The following PLSCR2 variants were observed in gnomAD, a reference collection of about 807,000 sequenced individuals.
The protein encoded by PLSCR2 is PL scramblase 2.
In PLSCR2, 18 loss-of-function variants were observed where a neutral mutation model predicts 25.3. The observed-to-expected ratio is 0.71, with a 90% confidence interval of 0.49 to 1.06. PLSCR2 has a LOEUF of 1.06. PLSCR2 is among the 50% of genes least tolerant of loss of function. The pLI is 0.00. For missense variants in PLSCR2, 243 were observed against 269.5 expected (o/e 0.90, Z 0.69); for synonymous variants, 88 against 87.3 (o/e 1.01, Z -0.04).
At chr3:146,426,540 T>G (rs953113722) in intron 2 of PLSCR2, among the ~76,000 whole-genome samples, 3 of 152,146 alleles carry the variant, frequency 2.0e-5, no homozygotes, top group Non-Finnish European at 1.5e-5. Flanking sequence ...GGCTAGTACA[T>G]GAAATTTGTC....
chr3:146,492,301 G>A (rs2043579950), intron 1 of PLSCR2, among the ~76,000 whole-genome samples: 1 of 152,060 alleles, frequency 6.6e-6, no homozygotes, highest in African/African-American at 2.4e-5. Context: ...TGACCAAACA[G>A]ATGTAACAGA....
intron 1 of PLSCR2, among the ~76,000 whole-genome samples, chr3:146,467,553 T>A (rs4681326): frequency 0.54 from 82,198 of 151,556 alleles, 22,590 homozygotes; most frequent in South Asian, 0.67. Context: ...AATGGAGGAG[T>A]CAGGCAGTTA....
At chr3:146,485,161 C>A (rs1359814075) in intron 1 of PLSCR2, among the ~76,000 whole-genome samples, 1 of 148,830 alleles carries the variant, frequency 6.7e-6, no homozygotes, top group Non-Finnish European at 1.5e-5. Context: ...TTGTCTCTGA[C>A]AAAACAGACT....
downstream of PLSCR2, among the ~76,000 whole-genome samples, chr3:146,428,995 T>G (rs1221176897): frequency 6.6e-6 from 1 of 152,268 alleles, no homozygotes; most frequent in Non-Finnish European, 1.5e-5. Context: ...AACCTTCTCA[T>G]GTCCCTGGAC....
intron 1 of PLSCR2, among the ~76,000 whole-genome samples, chr3:146,469,936 A>C (rs1474342105): frequency 6.6e-6 from 1 of 152,056 alleles, no homozygotes; most frequent in Non-Finnish European, 1.5e-5. Flanking sequence ...ACCAGCTGGA[A>C]CTGGAAAATC....
intron 2 of PLSCR2, among the ~76,000 whole-genome samples, chr3:146,416,851 T>C (rs2039018178): frequency 6.6e-6 from 1 of 152,214 alleles, no homozygotes; most frequent in Admixed American, 6.5e-5. Flanking sequence ...TACTAGTTAA[T>C]ACAGTCATGA....
At chr3:146,492,262 GA>G (rs1560064547) in intron 1 of PLSCR2, among the ~76,000 whole-genome samples, 1 of 152,130 alleles carries the variant, frequency 6.6e-6, no homozygotes, top group Non-Finnish European at 1.5e-5. Context: ...GAAAACTAAT[GA>G]AGCTATTCAG....
intron 1 of PLSCR2, among the ~76,000 whole-genome samples, chr3:146,486,605 C>T (rs991109598): frequency 1.3e-5 from 2 of 151,662 alleles, no homozygotes; most frequent in Admixed American, 1.3e-4. Flanking sequence ...ATACACCATC[C>T]CAAGACTAAA....
intron 2 of PLSCR2, among the ~76,000 whole-genome samples, chr3:146,419,391 T>G (rs1366428643): frequency 6.6e-6 from 1 of 152,106 alleles, no homozygotes; most frequent in Non-Finnish European, 1.5e-5. Flanking sequence ...TCTATTATGC[T>G]CCTCAAAGTT....
At chr3:146,493,208 C>T (rs114282860) in intron 1 of PLSCR2, among the ~76,000 whole-genome samples, 203 of 152,114 alleles carry the variant, frequency 1.3e-3, no homozygotes, top group African/African-American at 4.5e-3. Context: ...GCTATTTCTA[C>T]AAGATATACA....
At chr3:146,486,141 C>T (rs1217490138) in intron 1 of PLSCR2, among the ~76,000 whole-genome samples, 3 of 152,008 alleles carry the variant, frequency 2.0e-5, no homozygotes, top group Non-Finnish European at 4.4e-5. Flanking sequence ...GACAATGTAC[C>T]CAAATCTCTG....
At chr3:146,446,790 G>C (rs1169181382) in intron 6 of PLSCR2, among the ~76,000 whole-genome samples, 1 of 152,104 alleles carries the variant, frequency 6.6e-6, no homozygotes, top group Non-Finnish European at 1.5e-5. Flanking sequence ...TACTGTCCAG[G>C]AGCCTGGGCC....
chr3:146,407,777 G>A (rs2038706544), intron 2 of PLSCR2, among the ~76,000 whole-genome samples: 1 of 152,078 alleles, frequency 6.6e-6, no homozygotes, highest in Admixed American at 6.5e-5. Context: ...GTGTTTGCTG[G>A]TAAAGCCTGA....
chr3:146,477,144 T>A, intron 1 of PLSCR2, among the ~76,000 whole-genome samples: 1 of 152,230 alleles, frequency 6.6e-6, no homozygotes, highest in East Asian at 1.9e-4. Context: ...GGAACAGCTC[T>A]GGTCTGCAGC....
At chr3:146,452,191 G>A (rs1244130535) in intron 5 of PLSCR2, among the ~76,000 whole-genome samples, 2 of 152,100 alleles carry the variant, frequency 1.3e-5, no homozygotes, top group Non-Finnish European at 2.9e-5. Flanking sequence ...GAGTTGTAGG[G>A]AACCCAGTTG....
chr3:146,427,106 T>A (rs889652687), intron 2 of PLSCR2, among the ~76,000 whole-genome samples: 2 of 152,220 alleles, frequency 1.3e-5, no homozygotes, highest in African/African-American at 4.8e-5. Context: ...TATCTTCACA[T>A]AAATGGACTT....
chr3:146,491,029 T>C (rs2043532337), intron 1 of PLSCR2, among the ~76,000 whole-genome samples: 2 of 152,152 alleles, frequency 1.3e-5, no homozygotes, highest in Non-Finnish European at 2.9e-5. Context: ...AGACTTCTTG[T>C]AAGGCAGGCC....
At position 146,435,743 on chromosome 3, in the gene PLSCR2, G is replaced by A. The variant is rs751969344; in HGVS notation, c.*35-2226C>T. On this transcript the variant is annotated intron_variant, in intron 8 of 8. Coordinates refer to the PLSCR2 transcript ENST00000336685. The stretch of plus-strand genomic sequence containing the variant: ...AGGTTGCCTGTTCACTCTGATGGTA[G>A]TTTCTTTTGCTGTGCAGAAGCTCTT... Among the ~76,000 whole-genome samples the A allele has an allele frequency of 2.2e-3, 336 of 152,266 alleles. 2 individuals are homozygous for A. The highest frequency in any genetic ancestry group is 3.4e-3 in the Non-Finnish European group (234 of 68,026).
downstream of PLSCR2, among the ~76,000 whole-genome samples, chr3:146,438,194 C>T (rs1327141085): frequency 6.6e-6 from 1 of 152,046 alleles, no homozygotes; most frequent in African/African-American, 2.4e-5. Flanking sequence ...TTACTTCCAA[C>T]TATGTGGTCA....
Sources: allele counts gnomAD v4.1 joint callset (sites outside exome capture counted in the v4.1 genomes callset), GRCh38; gene constraint gnomAD v4.1.1; transcripts MANE v1.5; gene names NCBI Gene and HGNC (gene_info 2026-07-23, HGNC 2026-07-21).